LRRC8E: variants seen among roughly 807,000 people sequenced by gnomAD.
The protein encoded by LRRC8E is leucine rich repeat containing 8 VRAC subunit E.
In LRRC8E, 6 loss-of-function variants were observed where a neutral mutation model predicts 6.1. The observed-to-expected ratio is 0.98, with a 90% CI of 0.54 to 1.93. The LOEUF (loss-of-function observed/expected upper bound fraction) is 1.93. LRRC8E is among the 30% of genes most tolerant of loss of function. The pLI, the probability that LRRC8E is intolerant of heterozygous loss-of-function variation, is 0.01. For missense variants in LRRC8E, 1,028 were observed against 1,031.4 expected, an observed-to-expected ratio of 1.00 and a Z score of 0.04; for synonymous variants, 485 against 472.8, an observed-to-expected ratio of 1.03 and a Z score of -0.33.
At position 7,901,030 on chromosome 19, in the gene LRRC8E, G is replaced by A. The variant is rs1981987253; in HGVS notation, c.*117G>A. 6.4e-6 allele frequency: 4 copies of A among 621,894 alleles called. No homozygotes were observed. The highest frequency in any genetic ancestry group is 4.4e-5 in the South Asian group (2 of 45,738). 38.5% of individuals were successfully genotyped at this position (621,894 alleles called of 1,614,324 possible). A position where few individuals can be genotyped will look rare whatever the true frequency, so the allele number is the denominator to read the frequency against. On this transcript the variant is annotated 3_prime_UTR_variant, in exon 3 of 3. Coordinates refer to ENST00000306708, the MANE Select transcript of LRRC8E (RefSeq NM_025061.6). ...TCCAGGCCAGGAGATGGGGGGGGCG[G>A]GGGCAGCTGTGTCATCTTTCTGGGG...
chr19:7,889,597 G>A (rs1442732955), intron 1 of LRRC8E, among the ~76,000 whole-genome samples: 1 of 149,926 alleles, frequency 6.7e-6, no homozygotes, highest in Non-Finnish European at 1.5e-5. Context: ...CTAAAAGTTG[G>A]CTGGGCATGG....
intron 1 of LRRC8E, among the ~76,000 whole-genome samples, chr19:7,892,484 A>T (rs1484398648): frequency 6.6e-6 from 1 of 152,164 alleles, no homozygotes; most frequent in Non-Finnish European, 1.5e-5. Flanking sequence ...CTGGAATTAC[A>T]GGCCTGAGCC....
Position 7,889,282 on chromosome 19 carries a change from T to C in LRRC8E, c.-6+682T>C, listed in dbSNP as rs1981178546. 1.3e-5 allele frequency among the ~76,000 whole-genome samples: 2 copies of C among 151,828 alleles called. 1 individual carries two copies. The highest frequency in any genetic ancestry group is 4.2e-4 in the South Asian group (2 of 4,810). On this transcript the variant is annotated intron_variant, in intron 1 of 2. Coordinates refer to ENST00000306708, the MANE Select transcript of LRRC8E (RefSeq NM_025061.6). ...GCCTGGCTAACACGGTGAAACCCCA[T>C]CTCTACTAAAAATACAAAAATTAGT...
At chr19:7,897,505 G>T (rs1555698165) in intron 2 of LRRC8E, among the ~76,000 whole-genome samples, 1 of 119,140 alleles carries the variant, frequency 8.4e-6, no homozygotes, top group Non-Finnish European at 1.7e-5. Flanking sequence ...TTTTTTTTAA[G>T]CAAGCTCTGT....
At position 7,898,831 on chromosome 19, in the gene LRRC8E, C is replaced by G; in HGVS notation, c.309C>G (p.Asn103Lys). The G allele has an allele frequency of 1.2e-6, 2 of 1,614,192 alleles. No homozygotes were observed. The highest frequency in any genetic ancestry group is 1.7e-6 in the Non-Finnish European group (2 of 1,180,020). The change falls in exon 3 of 3, where the codon AAC becomes AAG. Residue 103 changes from asparagine (N) to lysine (K), a missense_variant. Coordinates refer to ENST00000306708, the MANE Select transcript of LRRC8E (RefSeq NM_025061.6). Reference sequence around the variant, plus strand: ...ACCTGCAGCAATACAGCTTTATTAACCAGCTGTGTTATGAGACGGCCCTGC... The same window carrying G: ...ACCTGCAGCAATACAGCTTTATTAAGCAGCTGTGTTATGAGACGGCCCTGC... ...NLDLQQYSFI[N>K]QLCYETALHW... is the part of the protein sequence containing the mutation.
chr19:7,889,573 T>C (rs755486099), intron 1 of LRRC8E, among the ~76,000 whole-genome samples: 44 of 151,478 alleles, frequency 2.9e-4, no homozygotes, highest in Middle Eastern at 3.4e-3. Flanking sequence ...CGAGACTCCA[T>C]CTCTACAAAA....
Position 7,899,555 on chromosome 19 carries a change from C to A in LRRC8E, c.1033C>A (p.Arg345Ser). 2 of 1,613,924 alleles carry A rather than the reference C, an allele frequency of 1.2e-6. No individual in the cohort carries two copies. The highest frequency in any genetic ancestry group is 1.7e-6 in the Non-Finnish European group (2 of 1,180,042). Residue 345 changes from arginine (R) to serine (S), a missense_variant, in exon 3 of 3, where the codon CGT becomes AGT. By Grantham distance (110) the Arg-to-Ser change is moderately radical (BLOSUM62 -1). Transcript: ENST00000306708. ...CCGGCCCCTCAAGGAGTACTCCTTCCGTTCCGTGCGGGAGGAGACTGGCAT... is the reference window on the plus strand; with the variant it reads ...CCGGCCCCTCAAGGAGTACTCCTTCAGTTCCGTGCGGGAGGAGACTGGCAT... ...FHRPLKEYSFRSVREETGMGD... is the reference protein window; with the variant it reads ...FHRPLKEYSFSSVREETGMGD...
At position 7,901,309 on chromosome 19, in the gene LRRC8E, T is replaced by C. The variant is rs1323137204; in HGVS notation, c.*396T>C. ...GGATTTCCAACACTCCCCCTCCCCA[T>C]GCAACAAAGCAACTTACTTCTGGAG... On this transcript the variant is annotated 3_prime_UTR_variant, in exon 3 of 3. Transcript: ENST00000306708. The C allele has an allele frequency of 5.9e-6, 1 of 168,446 alleles. No homozygotes were observed. The allele number at this position is 168,446 out of a possible 1,614,324, so 10.4% of individuals were successfully genotyped here.
chr19:7,898,647 C>A lies in LRRC8E; in HGVS notation c.139-14C>A. The A allele has an allele frequency of 6.3e-7, 1 of 1,584,046 alleles. No homozygotes were observed. Among genetic ancestry groups the A allele is most frequent in the Non-Finnish European group, 8.6e-7 (1 of 1,162,562 alleles). ...GTGCTAGGATTACAGCCCTCATTCT[C>A]TTTTGCTCCTCAGGTGACACAGGAC... On this transcript the variant is annotated splice_polypyrimidine_tract_variant and intron_variant, in intron 2 of 2. Coordinates refer to ENST00000306708, the MANE Select transcript of LRRC8E (RefSeq NM_025061.6).
Position 7,899,609 on chromosome 19 carries a change from T to G in LRRC8E, c.1087T>G (p.Phe363Val). 1 of 1,613,780 alleles carries G rather than the reference T, an allele frequency of 6.2e-7. No homozygotes were observed. The highest frequency in any genetic ancestry group is 8.5e-7 in the Non-Finnish European group (1 of 1,180,028). ...MGDIPDVKND[F>V]AFMLHLIDQY... ...GGACATTCCTGACGTCAAGAATGAC[T>G]TCGCCTTCATGCTGCACCTCATCGA... The change falls in exon 3 of 3, where the codon TTC becomes GTC. Residue 363 changes from phenylalanine to valine, a missense_variant. Phe to Val is a conservative substitution (Grantham distance 50, BLOSUM62 -1). Coordinates refer to ENST00000306708, the MANE Select transcript of LRRC8E (RefSeq NM_025061.6).
rs766423442 is a variant in LRRC8E at position 7,900,423 on chromosome 19, C to T, written c.1901C>T (p.Thr634Met). ...LSFQHCRKLV[T>M]LRLWHNQIAY... ...TTCCAGCACTGCCGGAAGCTGGTCA[C>T]GCTCAGGCTGTGGCACAACCAGATC... The change falls in exon 3 of 3, where the codon ACG (threonine) becomes ATG (methionine). Residue 634 changes from threonine to methionine, a missense_variant. Coordinates refer to ENST00000306708, the MANE Select transcript of LRRC8E (RefSeq NM_025061.6). This position sits in a 1 kb window ranked among gnomAD's most constrained non-coding sequence, Gnocchi z 5.0. The T allele has an allele frequency of 1.8e-5, 29 of 1,612,840 alleles. No individual in the cohort carries two copies. The East Asian group carries it at 2.9e-4, about 16-fold the overall frequency.
chr19:7,898,647 C>G lies in LRRC8E; in HGVS notation c.139-14C>G, dbSNP rs1322647148. ...GTGCTAGGATTACAGCCCTCATTCT[C>G]TTTTGCTCCTCAGGTGACACAGGAC... is the stretch of plus-strand genomic sequence containing the variant. On this transcript the variant is annotated splice_polypyrimidine_tract_variant and intron_variant, in intron 2 of 2. Coordinates refer to ENST00000306708, the MANE Select transcript of LRRC8E (RefSeq NM_025061.6). 6 of 1,584,046 alleles carry G rather than the reference C, an allele frequency of 3.8e-6. No individual in the cohort carries two copies. Among genetic ancestry groups the G allele is most frequent in the Non-Finnish European group, 5.2e-6 (6 of 1,162,562 alleles).
At position 7,898,503 on chromosome 19, in the gene LRRC8E, G is replaced by A. The variant is rs138967291; in HGVS notation, c.139-158G>A. Reference sequence around the variant, plus strand: ...GCCTCCCGAGTAGCTGGGATTACAGGTGCCCACCACCATGCCCGGCTAATT... The same window carrying A: ...GCCTCCCGAGTAGCTGGGATTACAGATGCCCACCACCATGCCCGGCTAATT... On this transcript the variant is annotated intron_variant, in intron 2 of 2. Transcript: ENST00000306708. Among the ~76,000 whole-genome samples, 223 of 152,192 alleles carry A rather than the reference G, an allele frequency of 1.5e-3. 6 individuals are homozygous for A. The East Asian group carries it at 0.036, about 25-fold the overall frequency.
intron 1 of LRRC8E, among the ~76,000 whole-genome samples, chr19:7,889,999 C>T (rs560371185): frequency 5.1e-4 from 78 of 151,922 alleles, no homozygotes; most frequent in Admixed American, 5.0e-3. Context: ...CCTGCCTCAA[C>T]CTCTCAAAGT....
intron 2 of LRRC8E, among the ~76,000 whole-genome samples, chr19:7,896,839 C>T (rs1465873523): frequency 6.6e-6 from 1 of 152,120 alleles, no homozygotes; most frequent in Non-Finnish European, 1.5e-5. Flanking sequence ...AAGCCATCCT[C>T]CCACCTCGGC....
At position 7,895,780 on chromosome 19, in the gene LRRC8E, G is replaced by A; in HGVS notation, c.138+39G>A. 6.2e-7 allele frequency: 1 copy of A among 1,601,124 alleles called. No individual in the cohort carries two copies. The highest frequency in any genetic ancestry group is 2.2e-5 in the East Asian group (1 of 44,464). On this transcript the variant is annotated intron_variant, in intron 2 of 2. Transcript: ENST00000306708. The surrounding 1 kb of genome is among the most constrained non-coding windows in gnomAD (Gnocchi z 4.7). Reference sequence around the variant, plus strand: ...CTGGCAAGGGGGTGTGACCAGAGGGGCGGGGCAGGTGTCTGGGGAAGTCGG... The same window carrying A: ...CTGGCAAGGGGGTGTGACCAGAGGGACGGGGCAGGTGTCTGGGGAAGTCGG...
In LRRC8E at chr19:7,899,883, C is replaced by T. The variant is rs146365216; in HGVS notation, c.1361C>T (p.Pro454Leu). ...GCCATCTGCGATATCACCTTCCCCCCGGGGCTGTCACAGCTGGTGCACTTG... is the reference window on the plus strand; with the variant it reads ...GCCATCTGCGATATCACCTTCCCCCTGGGGCTGTCACAGCTGGTGCACTTG... ...LEAICDITFPPGLSQLVHLQE... is the reference protein window; with the variant it reads ...LEAICDITFPLGLSQLVHLQE... The change falls in exon 3 of 3, where the codon CCG (proline) becomes CTG (leucine). Residue 454 changes from proline (P) to leucine (L), a missense_variant. Transcript: ENST00000306708. The T allele has an allele frequency of 1.0e-5, 16 of 1,606,944 alleles. No individual in the cohort carries two copies. Among genetic ancestry groups the T allele is most frequent in the East Asian group, 8.9e-5 (4 of 44,886 alleles).
chr19:7,896,087 A>G (rs1222302174), intron 2 of LRRC8E, among the ~76,000 whole-genome samples: 2 of 151,210 alleles, frequency 1.3e-5, no homozygotes, highest in African/African-American at 4.9e-5. Flanking sequence ...ACAGGCGCCC[A>G]CCACCACGCC....
At chr19:7,897,431 G>C (rs1981655358) in intron 2 of LRRC8E, among the ~76,000 whole-genome samples, 1 of 150,506 alleles carries the variant, frequency 6.6e-6, no homozygotes, top group Non-Finnish European at 1.5e-5. Flanking sequence ...GCCTGCCTCT[G>C]TCTCCCAAAG....
Sources: gnomAD v4.1 joint callset for allele counts (sites outside exome capture counted in the v4.1 genomes callset) on GRCh38, gnomAD v4.1.1 for gene constraint, Gnocchi (gnomAD v3.1) non-coding constraint, MANE v1.5 for transcripts, NCBI Gene and HGNC (gene_info 2026-07-23, HGNC 2026-07-21) for gene names.